The following GMEB1 variants were observed in gnomAD, a reference collection of about 807,000 sequenced individuals.
GMEB1 encodes the protein glucocorticoid modulatory element-binding protein 1.
GMEB1 carries 6 observed loss-of-function variants against 52.4 expected under a neutral mutation model. The ratio of observed to expected loss-of-function variants is 0.11; its 90% CI spans 0.06 to 0.23. The LOEUF (loss-of-function observed/expected upper bound fraction) is 0.23. Ranked by LOEUF, GMEB1 falls within the 10% of genes least tolerant of loss-of-function variation. GMEB1 has a pLI of 1.00. For missense variants in GMEB1, 486 were observed against 685.6 expected (o/e 0.71, Z 3.25); for synonymous variants, 255 against 244.9 (o/e 1.04, Z -0.38).
intron 8 of GMEB1, among the ~76,000 whole-genome samples, chr1:28,708,038 A>G (rs952635575): frequency 6.6e-6 from 1 of 152,070 alleles, no homozygotes; most frequent in South Asian, 2.1e-4. Flanking sequence ...AGCTGGGACT[A>G]CAGGCACATA....
chr1:28,700,513 CA>C (rs35332797), intron 6 of GMEB1, among the ~76,000 whole-genome samples: 32,686 of 82,444 alleles, frequency 0.4, 4,065 homozygotes, highest in Middle Eastern at 0.53. Flanking sequence ...GACTCCATCT[CA>C]AAAAAAAAAA....
chr1:28,701,465 T>C (rs1237918703), intron 6 of GMEB1, among the ~76,000 whole-genome samples: 1 of 152,050 alleles, frequency 6.6e-6, no homozygotes, highest in African/African-American at 2.4e-5. Context: ...AGACGGGGTT[T>C]CACCGTGTTA....
intron 8 of GMEB1, among the ~76,000 whole-genome samples, chr1:28,707,056 C>T (rs1670814619): frequency 7.2e-6 from 1 of 138,348 alleles, no homozygotes; most frequent in Admixed American, 8.1e-5. Context: ...GATCTTGGCT[C>T]ACTGCAAGCT....
intron 2 of GMEB1, 72 bp from the exon 3 acceptor site, chr1:28,690,032 A>T: frequency 1.1e-6 from 1 of 936,264 alleles, no homozygotes; most frequent in Non-Finnish European, 1.7e-6. Context: ...CAAATTTCTT[A>T]ACCCCATGCT....
chr1:28,678,903 GTTTGT>G (rs543407542), intron 1 of GMEB1, among the ~76,000 whole-genome samples: 95 of 151,488 alleles, frequency 6.3e-4, no homozygotes, highest in African/African-American at 2.1e-3. Flanking sequence ...TTTTTTGTTT[GTTTGT>G]TTTGTTTTGT....
At chr1:28,679,877 C>T (rs546570528) in intron 1 of GMEB1, among the ~76,000 whole-genome samples, 146 of 151,718 alleles carry the variant, frequency 9.6e-4, no homozygotes, top group South Asian at 1.9e-3. Flanking sequence ...TCTCGGTTCA[C>T]CCACCACAAC....
chr1:28,704,854 C>G (rs1001053860), intron 8 of GMEB1, among the ~76,000 whole-genome samples: 1 of 151,922 alleles, frequency 6.6e-6, no homozygotes, highest in South Asian at 2.1e-4. Context: ...GTGATCCCCC[C>G]GCCTCGGCCT....
rs552282538 is a variant in GMEB1, at chr1:28,701,748, C to T, written c.599-690C>T. ...CACACCCAGCTAGTTTTTATAGAAA[C>T]TGGGTTTTGCTATGTTGCCCAGGCT... On this transcript the variant is annotated intron_variant, in intron 6 of 9. Transcript: ENST00000373816. Among the ~76,000 whole-genome samples the T allele has an allele frequency of 4.8e-4, 73 of 152,054 alleles. 1 individual carries two copies. The South Asian group carries it at 0.01, about 21-fold the overall frequency.
At chr1:28,706,617 A>G (rs1276561571) in intron 8 of GMEB1, among the ~76,000 whole-genome samples, 1 of 149,614 alleles carries the variant, frequency 6.7e-6, no homozygotes, top group Non-Finnish European at 1.5e-5. Flanking sequence ...AAAAAAAAAA[A>G]TGGGATTATG....
At chr1:28,676,263 C>A (rs902265865) in intron 1 of GMEB1, among the ~76,000 whole-genome samples, 6 of 152,040 alleles carry the variant, frequency 3.9e-5, no homozygotes, top group African/African-American at 1.4e-4. Flanking sequence ...TTAACTAACC[C>A]ATTTTTTTTG....
intron 2 of GMEB1, among the ~76,000 whole-genome samples, chr1:28,688,706 AC>A (rs1168781481): frequency 2.0e-5 from 3 of 150,950 alleles, no homozygotes; most frequent in African/African-American, 7.3e-5. Context: ...ACAAACAAAC[AC>A]CCCCCCACCA....
At chr1:28,710,339 A>G (rs1307356892) in intron 8 of GMEB1, among the ~76,000 whole-genome samples, 181 bp from the exon 9 acceptor site, 1 of 152,200 alleles carries the variant, frequency 6.6e-6, no homozygotes, top group African/African-American at 2.4e-5. Context: ...AAAGATTTAC[A>G]AAAATATAAC....
intron 6 of GMEB1, among the ~76,000 whole-genome samples, chr1:28,700,623 T>TGA (rs1670457978): frequency 6.7e-6 from 1 of 150,236 alleles, no homozygotes; most frequent in Non-Finnish European, 1.5e-5. Context: ...ACGCGGAGAC[T>TGA]GCCGTGAGCC....
intron 7 of GMEB1, among the ~76,000 whole-genome samples, chr1:28,703,120 C>G (rs1454679225): frequency 6.6e-6 from 1 of 152,122 alleles, no homozygotes; most frequent in Non-Finnish European, 1.5e-5. Flanking sequence ...AGCTGTTTGA[C>G]TATGTAGTCT....
rs1671269475 is a variant in GMEB1, at chr1:28,716,238, A to G, written c.*1465A>G. On this transcript the variant is annotated 3_prime_UTR_variant, in exon 10 of 10. Coordinates refer to ENST00000373816, the MANE Select transcript of GMEB1 (RefSeq NM_001319674.2). Reference sequence around the variant, plus strand: ...CAGTCCATTCATTTGAAACTGTGCAATGTGATGTAAATGGCTCTGGTTCTT... The same window carrying G: ...CAGTCCATTCATTTGAAACTGTGCAGTGTGATGTAAATGGCTCTGGTTCTT... 1 of 152,192 alleles carries G rather than the reference A, an allele frequency of 6.6e-6. No homozygotes were observed. The highest frequency in any genetic ancestry group is 6.5e-5 in the Admixed American group (1 of 15,278). 9.4% of individuals were successfully genotyped at this position (152,192 alleles called of 1,614,324 possible).
intron 8 of GMEB1, among the ~76,000 whole-genome samples, chr1:28,705,608 C>G (rs925349122): frequency 3.3e-5 from 5 of 151,426 alleles, no homozygotes; most frequent in Non-Finnish European, 5.9e-5. Context: ...TGCCACCACA[C>G]CCAGCTAATT....
intron 1 of GMEB1, among the ~76,000 whole-genome samples, chr1:28,677,620 G>A (rs1365153491): frequency 6.6e-6 from 1 of 152,156 alleles, no homozygotes; most frequent in African/African-American, 2.4e-5. Flanking sequence ...TTGACAATGA[G>A]TGCTAGCTCA....
At chr1:28,712,647 C>A (rs2124594805) in intron 9 of GMEB1, among the ~76,000 whole-genome samples, 1 of 150,396 alleles carries the variant, frequency 6.6e-6, no homozygotes, top group East Asian at 2.0e-4. Context: ...GGTGAAACCT[C>A]ATCTCTACTA....
chr1:28,687,326 A>G lies in GMEB1; in HGVS notation c.129-2778A>G, dbSNP rs1301813113. ...ATTCTAGCCTGGGCAACAGAATGAG[A>G]CCCTATCTCACACACACACACACAC... On this transcript the variant is annotated intron_variant, in intron 2 of 9. Coordinates refer to ENST00000373816, the MANE Select transcript of GMEB1 (RefSeq NM_001319674.2). Among the ~76,000 whole-genome samples the G allele has an allele frequency of 2.2e-5, 3 of 138,232 alleles. No homozygotes were observed. The South Asian group carries it at 7.1e-4, about 33-fold the overall frequency. The allele number at this position is 138,232 out of a possible 152,430, so 90.7% of individuals were successfully genotyped here.
Sources: gnomAD v4.1 joint callset for allele counts (sites outside exome capture counted in the v4.1 genomes callset) on GRCh38, gnomAD v4.1.1 for gene constraint, MANE v1.5 for transcripts, NCBI Gene and HGNC (gene_info 2026-07-23, HGNC 2026-07-21) for gene names.